Variants in CSMD1 observed in about 807,000 individuals in gnomAD.
CSMD1 encodes the protein CUB and Sushi multiple domains 1.
In CSMD1, 213 loss-of-function variants were observed where a neutral mutation model predicts 417.5. The ratio of observed to expected loss-of-function variants is 0.51; its 90% CI spans 0.46 to 0.57. The LOEUF (loss-of-function observed/expected upper bound fraction) is 0.57, where lower values mean the gene tolerates loss of function less well. Ranked by LOEUF, CSMD1 falls within the 20% of genes least tolerant of loss-of-function variation. CSMD1 has a pLI of 0.00. For missense variants in CSMD1, 6,923 were observed against 4,529.7 expected, an observed-to-expected ratio of 1.53 and a Z score of -15.17; for synonymous variants, 2,862 against 1,736.8, an observed-to-expected ratio of 1.65 and a Z score of -16.11.
At chr8:2,980,306 G>A (rs1585087468) in intron 54 of CSMD1, among the ~76,000 whole-genome samples, 2 of 151,062 alleles carry the variant, frequency 1.3e-5, no homozygotes, top group African/African-American at 4.9e-5. Flanking sequence ...TTGAGCTGAT[G>A]CCACCATTTC....
intron 17 of CSMD1, among the ~76,000 whole-genome samples, chr8:3,392,243 C>T (rs370160204): frequency 1.3e-5 from 2 of 151,862 alleles, no homozygotes; most frequent in East Asian, 3.9e-4. Context: ...TACCCTAAAA[C>T]TTAAAGTATA....
At chr8:3,752,702 A>AAAAAC (rs1797418068) in intron 6 of CSMD1, among the ~76,000 whole-genome samples, 1 of 150,128 alleles carries the variant, frequency 6.7e-6, no homozygotes, top group Admixed American at 6.7e-5. Context: ...AAAAAAAAAA[A>AAAAAC]AACATATTTT....
chr8:4,502,697 A>G (rs1410747675), intron 2 of CSMD1, among the ~76,000 whole-genome samples: 2 of 152,114 alleles, frequency 1.3e-5, no homozygotes, highest in Non-Finnish European at 2.9e-5. Flanking sequence ...CTTTGACTTT[A>G]GTTTCAGCCT....
intron 3 of CSMD1, among the ~76,000 whole-genome samples, chr8:4,337,394 G>A (rs7010684): frequency 0.57 from 86,003 of 151,992 alleles, 27,120 homozygotes; most frequent in African/African-American, 0.87. Flanking sequence ...CAGTAAACAG[G>A]TATTTTGTTT....
At chr8:4,680,421 G>C (rs1270091723) in intron 1 of CSMD1, among the ~76,000 whole-genome samples, 2 of 152,142 alleles carry the variant, frequency 1.3e-5, no homozygotes, top group East Asian at 3.9e-4. Flanking sequence ...TTCACCCTTT[G>C]AAACTACATT....
intron 7 of CSMD1, among the ~76,000 whole-genome samples, chr8:3,669,391 G>A (rs1798869495): frequency 6.6e-6 from 1 of 152,082 alleles, no homozygotes; most frequent in South Asian, 2.1e-4. Flanking sequence ...GAGCTTCTTG[G>A]GCTGGCCAGT....
intron 7 of CSMD1, among the ~76,000 whole-genome samples, chr8:3,666,026 G>T (rs1448397891): frequency 6.6e-6 from 1 of 152,112 alleles, no homozygotes; most frequent in Non-Finnish European, 1.5e-5. Context: ...CCACGGAGTA[G>T]GTGGGATTAC....
intron 5 of CSMD1, among the ~76,000 whole-genome samples, chr8:3,940,533 GTGTA>G (rs1554493085): frequency 7.1e-6 from 1 of 140,196 alleles, no homozygotes; most frequent in East Asian, 2.0e-4. Context: ...GTGTGTGTGT[GTGTA>G]TGTATGTGTA....
intron 33 of CSMD1, among the ~76,000 whole-genome samples, chr8:3,190,877 T>C (rs554130131): frequency 6.2e-4 from 95 of 152,300 alleles, no homozygotes; most frequent in African/African-American, 1.9e-3. Context: ...GAAGAACGAA[T>C]ACCTTATGAT....
At chr8:3,767,009 C>A (rs984454752) in intron 5 of CSMD1, among the ~76,000 whole-genome samples, 2 of 152,232 alleles carry the variant, frequency 1.3e-5, no homozygotes, top group African/African-American at 4.8e-5. Context: ...CCCTCAACAT[C>A]TGAGATCATA....
At chr8:4,427,907 G>C (rs1795584143) in intron 2 of CSMD1, among the ~76,000 whole-genome samples, 2 of 152,098 alleles carry the variant, frequency 1.3e-5, no homozygotes, top group South Asian at 2.1e-4. Context: ...CTAGGGCACA[G>C]ACTGCCCTTT....
At chr8:4,469,450 T>C (rs374802404) in intron 2 of CSMD1, among the ~76,000 whole-genome samples, 6 of 152,238 alleles carry the variant, frequency 3.9e-5, no homozygotes, top group East Asian at 3.8e-4. Context: ...AATTGTGTTA[T>C]TGGCTACATT....
intron 3 of CSMD1, among the ~76,000 whole-genome samples, chr8:4,384,489 T>C (rs533821229): frequency 6.6e-6 from 1 of 152,354 alleles, no homozygotes; most frequent in East Asian, 1.9e-4. Flanking sequence ...TCTATGAATT[T>C]GTTGATCAAA....
chr8:3,469,877 TG>T (rs2117192320), intron 11 of CSMD1, among the ~76,000 whole-genome samples: 1 of 152,362 alleles, frequency 6.6e-6, no homozygotes, highest in South Asian at 2.1e-4. Flanking sequence ...TAACTAAATA[TG>T]TATTTCTTTC....
chr8:3,656,700 G>A (rs1446204286), intron 7 of CSMD1, among the ~76,000 whole-genome samples: 1 of 152,162 alleles, frequency 6.6e-6, no homozygotes, highest in Non-Finnish European at 1.5e-5. Flanking sequence ...GGCTGAGGCA[G>A]GCAGATCACA....
chr8:4,760,918 C>G lies in CSMD1; in HGVS notation c.86-123360G>C, dbSNP rs74407589. 3.9e-5 allele frequency among the ~76,000 whole-genome samples: 6 copies of G among 152,274 alleles called. No homozygotes were observed. The East Asian group carries it at 9.6e-4, about 24-fold the overall frequency. On this transcript the variant is annotated intron_variant, in intron 1 of 69. Coordinates refer to ENST00000635120, the MANE Select transcript of CSMD1 (RefSeq NM_033225.6). ...TGCAGCAGAAGTTATGGTAGCATAT[C>G]TTTCTCAAGCTTATTTATAATTTAT...
At chr8:4,105,769 A>C (rs1585323634) in intron 3 of CSMD1, among the ~76,000 whole-genome samples, 1 of 152,182 alleles carries the variant, frequency 6.6e-6, no homozygotes, top group African/African-American at 2.4e-5. Flanking sequence ...TTTCTCACTG[A>C]AGAGGCTCCT....
chr8:3,225,061 A>G (rs745637728), intron 27 of CSMD1, among the ~76,000 whole-genome samples: 3 of 152,212 alleles, frequency 2.0e-5, no homozygotes, highest in Non-Finnish European at 4.4e-5. Context: ...AGAAAAGAAA[A>G]TGTCTTAATT....
chr8:4,305,839 G>A (rs1051677219), intron 3 of CSMD1, among the ~76,000 whole-genome samples: 3 of 152,082 alleles, frequency 2.0e-5, no homozygotes, highest in Non-Finnish European at 2.9e-5. Context: ...GTAACTTGCC[G>A]ATCTTGTATG....
Sources: allele counts gnomAD v4.1 joint callset (sites outside exome capture counted in the v4.1 genomes callset), GRCh38; gene constraint gnomAD v4.1.1; transcripts MANE v1.5; gene names NCBI Gene and HGNC (gene_info 2026-07-23, HGNC 2026-07-21).